The following MLKL variants were observed in gnomAD, a reference collection of about 807,000 sequenced individuals.
The protein encoded by MLKL is mixed lineage kinase domain like pseudokinase.
In MLKL, 55 loss-of-function variants were observed where a neutral mutation model predicts 56.5. The observed-to-expected ratio is 0.97, with a 90% CI of 0.78 to 1.22. The LOEUF (loss-of-function observed/expected upper bound fraction) is 1.22, where lower values mean the gene tolerates loss of function less well. MLKL is among the 50% of genes most tolerant of loss of function. The pLI is 0.00. For missense variants in MLKL, 694 were observed against 573.9 expected (o/e 1.21, Z -2.14); for synonymous variants, 251 against 208.3 (o/e 1.20, Z -1.76).
intron 2 of MLKL, 54 bp from the exon 3 acceptor site, chr16:74,692,470 A>T (rs907804923): frequency 5.7e-6 from 8 of 1,411,228 alleles, no homozygotes; most frequent in Admixed American, 2.0e-5. Flanking sequence ...ATCACACGCC[A>T]ATCAAAACTA....
intron 5 of MLKL, among the ~76,000 whole-genome samples, chr16:74,684,106 C>G (rs1002299592): frequency 2.0e-5 from 3 of 151,506 alleles, no homozygotes; most frequent in Non-Finnish European, 4.4e-5. Flanking sequence ...CACCACCACG[C>G]CCAGTTAATT....
intron 10 of MLKL, among the ~76,000 whole-genome samples, chr16:74,673,267 G>A (rs1003289788): frequency 6.6e-6 from 1 of 152,214 alleles, no homozygotes; most frequent in South Asian, 2.1e-4. Context: ...ACCCAGGCTG[G>A]AGTACAGTGG....
At chr16:74,690,251 A>G (rs1404152660) in intron 4 of MLKL, among the ~76,000 whole-genome samples, 1 of 152,236 alleles carries the variant, frequency 6.6e-6, no homozygotes, top group African/African-American at 2.4e-5. Flanking sequence ...GATGAAAGTA[A>G]TCAGAAAGCT....
intron 1 of MLKL, among the ~76,000 whole-genome samples, chr16:74,696,975 G>A (rs1031046184): frequency 7.2e-6 from 1 of 138,438 alleles, no homozygotes; most frequent in African/African-American, 3.0e-5. Context: ...TAATATATAT[G>A]TAATATTACA....
chr16:74,691,187 C>T, intron 4 of MLKL, 90 bp downstream of exon 4: 2 of 1,274,088 alleles, frequency 1.6e-6, no homozygotes, highest in South Asian at 1.5e-5. Context: ...CCCAGGCTTC[C>T]TCATCTAAAA....
intron 9 of MLKL, 117 bp from the exon 10 acceptor site, chr16:74,675,217 C>A: frequency 1.9e-6 from 3 of 1,550,298 alleles, no homozygotes; most frequent in Non-Finnish European, 2.6e-6. Context: ...CAAGAACTTC[C>A]AACGATTCCA....
Position 74,679,898 on chromosome 16 carries a change from A to G in MLKL, c.957-918T>C, listed in dbSNP as rs187025825. Among the ~76,000 whole-genome samples the G allele has an allele frequency of 3.9e-5, 6 of 152,334 alleles. No homozygotes were observed. The East Asian group carries it at 1.2e-3, about 29-fold the overall frequency. On this transcript the variant is annotated intron_variant, in intron 6 of 10. Coordinates refer to ENST00000308807, the MANE Select transcript of MLKL (RefSeq NM_152649.4). The stretch of plus-strand genomic sequence containing the variant: ...AAATGGTTGAGGGAGTACAGGAAGT[A>G]GGATGGCGAAGGAGAAGAAATCAAG...
At position 74,674,473 on chromosome 16, in the gene MLKL, G is replaced by A. The variant is rs112097455; in HGVS notation, c.1381+487C>T. On this transcript the variant is annotated intron_variant, in intron 10 of 10. Coordinates refer to ENST00000308807, the MANE Select transcript of MLKL (RefSeq NM_152649.4). ...TGGCCAACATTTTTTTTTTTGAGAC[G>A]GAGTCTTGTTTTGTCACCCAGGCTG... Among the ~76,000 whole-genome samples, 1,382 of 150,662 alleles carry A rather than the reference G, an allele frequency of 9.2e-3. 21 individuals are homozygous for A. The highest frequency in any genetic ancestry group is 0.032 in the African/African-American group (1,294 of 40,924).
At chr16:74,699,716 C>T (rs1961261059) in intron 1 of MLKL, among the ~76,000 whole-genome samples, 1 of 152,154 alleles carries the variant, frequency 6.6e-6, no homozygotes, top group African/African-American at 2.4e-5. Flanking sequence ...AGGAGGATCA[C>T]CTGAGCCCAG....
intron 4 of MLKL, among the ~76,000 whole-genome samples, chr16:74,686,470 C>A (rs1567610503): frequency 6.6e-6 from 1 of 152,126 alleles, no homozygotes; most frequent in Non-Finnish European, 1.5e-5. Flanking sequence ...GTAGCCCCAG[C>A]TACTTGGGAG....
chr16:74,680,172 T>C lies in MLKL; in HGVS notation c.957-1192A>G, dbSNP rs552371167. Among the ~76,000 whole-genome samples the C allele has an allele frequency of 4.6e-5, 7 of 152,266 alleles. No individual in the cohort carries two copies. The East Asian group carries it at 1.4e-3, about 29-fold the overall frequency. On this transcript the variant is annotated intron_variant, in intron 6 of 10. Transcript: ENST00000308807. ...CAGGCAATCCTCTGAAGATTGCAGC[T>C]GTGAACTTTCAGCAGCAAAGCATGC...
intron 10 of MLKL, among the ~76,000 whole-genome samples, chr16:74,674,582 G>T (rs1172921756): frequency 6.6e-6 from 1 of 151,988 alleles, no homozygotes; most frequent in Non-Finnish European, 1.5e-5. Flanking sequence ...CTCCTGAGTA[G>T]CTGGGATTAC....
Position 74,672,416 on chromosome 16 carries a change from A to G in MLKL, c.*88T>C, listed in dbSNP as rs1005739304. The stretch of plus-strand genomic sequence containing the variant: ...ACTCCTTGCACCCATAGATAACCCA[A>G]TGCCGAAGGATATGAGAGAGAGAGA... On this transcript the variant is annotated 3_prime_UTR_variant, in exon 11 of 11. Transcript: ENST00000308807. 1.3e-5 allele frequency: 17 copies of G among 1,280,144 alleles called. No homozygotes were observed. Among genetic ancestry groups the G allele is most frequent in the African/African-American group, 5.9e-5 (4 of 67,370 alleles). 79.3% of individuals were successfully genotyped at this position (1,280,144 alleles called of 1,614,324 possible).
chr16:74,686,085 G>C (rs570572136), intron 4 of MLKL, among the ~76,000 whole-genome samples: 19 of 151,950 alleles, frequency 1.3e-4, no homozygotes, highest in African/African-American at 4.1e-4. Context: ...TCAGCCACCT[G>C]AGTAGCTGGA....
chr16:74,672,518 T>C lies in MLKL; in HGVS notation c.1402A>G (p.Thr468Ala). The change falls in exon 11 of 11, where the codon ACC becomes GCC. Residue 468 changes from threonine (T) to alanine (A), a missense_variant. Physicochemically the swap from Thr to Ala is moderately conservative, Grantham distance 58 (BLOSUM62 0). Coordinates refer to ENST00000308807, the MANE Select transcript of MLKL (RefSeq NM_152649.4). ...ATTTTGATACACTACTTAGAAAAGG[T>C]GGAGAGTTTCTTTAAGATTTCTGTG... Reference protein sequence around the residue: ...SVDEILKKLSTFSK With the variant: ...SVDEILKKLSAFSK 6.2e-7 allele frequency: 1 copy of C among 1,613,964 alleles called. No homozygotes were observed. Among genetic ancestry groups the C allele is most frequent in the Non-Finnish European group, 8.5e-7 (1 of 1,179,880 alleles).
chr16:74,674,634 G>T (rs1959467185), intron 10 of MLKL, among the ~76,000 whole-genome samples: 1 of 151,962 alleles, frequency 6.6e-6, no homozygotes, highest in Admixed American at 6.6e-5. Context: ...GTAGAGATGA[G>T]GTTTCACCAT....
chr16:74,682,096 A>AT (rs56369209), intron 6 of MLKL, among the ~76,000 whole-genome samples: 4,822 of 94,766 alleles, frequency 0.051, 234 homozygotes, highest in Admixed American at 0.24. Flanking sequence ...AAATATATAT[A>AT]AAAAAAAAAC....
rs954738767 is a variant in MLKL, at chr16:74,691,476, C to A, written c.536-13G>T. On this transcript the variant is annotated splice_polypyrimidine_tract_variant and intron_variant, in intron 3 of 10. Transcript: ENST00000308807. ...TTTGGTGGTAAATCTGACCTCACCC[C>A]CGAGAGGAAAGAAGACAAAAGAGTC... 4 of 1,604,394 alleles carry A rather than the reference C, an allele frequency of 2.5e-6. No homozygotes were observed. The highest frequency in any genetic ancestry group is 2.5e-6 in the Non-Finnish European group (3 of 1,177,430).
At chr16:74,696,661 A>G (rs1044179513) in intron 1 of MLKL, among the ~76,000 whole-genome samples, 9 of 151,604 alleles carry the variant, frequency 5.9e-5, no homozygotes, top group Non-Finnish European at 5.9e-5. Flanking sequence ...AATGAAATAA[A>G]TAAAATATAA....
Sources: gnomAD v4.1 joint callset for allele counts (sites outside exome capture counted in the v4.1 genomes callset) on GRCh38, gnomAD v4.1.1 for gene constraint, MANE v1.5 for transcripts, NCBI Gene and HGNC (gene_info 2026-07-23, HGNC 2026-07-21) for gene names.